Variants in ASMTL observed in about 807,000 individuals in gnomAD.
The protein encoded by ASMTL is acetylserotonin O-methyltransferase like.
ASMTL carries 57 observed loss-of-function variants against 60.3 expected under a neutral mutation model. The observed-to-expected ratio is 0.95, with a 90% confidence interval of 0.76 to 1.18. The LOEUF is 1.18. ASMTL is among the 50% of genes most tolerant of loss of function. The pLI, the probability that ASMTL is intolerant of heterozygous loss-of-function variation, is 0.00. For synonymous variants in ASMTL, 419 were observed against 373.0 expected, an observed-to-expected ratio of 1.12 and a Z score of -1.42; for missense variants, 981 against 852.6, an observed-to-expected ratio of 1.15 and a Z score of -1.88.
At chrX:1,429,837 G>T (rs777439908) in intron 6 of ASMTL, among the ~76,000 whole-genome samples, 1 of 151,704 alleles carries the variant, frequency 6.6e-6, no homozygotes, top group African/African-American at 2.4e-5. Flanking sequence ...TTTGATATAT[G>T]TATACATGTG....
rs765493207 is a variant in ASMTL at position 1,432,334 on chromosome X, C to A, written c.444G>T (p.Thr148=). ...CGGACAGCTCCGAGAACTTCACCTT[C>A]GTTTCCTCGTAGAATTCCGAGACCC... ...DTRVSEFYEE[T]KVKFSELSEE... The change falls in exon 6 of 13, where the codon ACG becomes ACT. Residue 148 remains threonine, a synonymous_variant. Transcript: ENST00000381317. 2.5e-6 allele frequency: 4 copies of A among 1,613,254 alleles called. No homozygotes were observed. The African/African-American group carries it at 4.0e-5, about 16-fold the overall frequency.
intron 6 of ASMTL, 94 bp downstream of exon 6, chrX:1,432,175 C>A: frequency 9.2e-7 from 1 of 1,081,220 alleles, no homozygotes; most frequent in Non-Finnish European, 1.4e-6. Flanking sequence ...GCGGGGCCTC[C>A]TTCTTTCCCA....
chrX:1,427,006 AAAG>A (rs1374648054), intron 7 of ASMTL, among the ~76,000 whole-genome samples: 1 of 83,308 alleles, frequency 1.2e-5, no homozygotes, highest in African/African-American at 3.7e-5. Flanking sequence ...AAAACAAAAA[AAAG>A]AGAAAAAGAA....
chrX:1,452,695 G>A, intron 1 of ASMTL, 53 bp downstream of exon 1: 5 of 1,470,084 alleles, frequency 3.4e-6, no homozygotes, highest in African/African-American at 1.4e-5. Flanking sequence ...GGGCCCTCCG[G>A]GGTTCAGCCC....
chrX:1,442,125 G>T, intron 2 of ASMTL, 61 bp downstream of exon 2: 1 of 1,580,830 alleles, frequency 6.3e-7, no homozygotes, highest in Non-Finnish European at 8.6e-7. Flanking sequence ...TTTACCACCC[G>T]CAAATCCCCT....
At chrX:1,423,603 C>G (rs1412031835) in intron 8 of ASMTL, among the ~76,000 whole-genome samples, 7 of 139,252 alleles carry the variant, frequency 5.0e-5, no homozygotes, top group African/African-American at 2.3e-4. Context: ...TAGTCATCCA[C>G]CCACCCATCT....
In ASMTL at chrX:1,422,420, A is replaced by ATG. The variant is rs1556659152; in HGVS notation, c.1061-579_1061-578insCA. Among the ~76,000 whole-genome samples the ATG allele has an allele frequency of 5.8e-3, 879 of 151,878 alleles. 9 individuals carry two copies. Among genetic ancestry groups the ATG allele is most frequent in the African/African-American group, 0.02 (836 of 41,424 alleles). On this transcript the variant is annotated intron_variant, in intron 8 of 12. Coordinates refer to ENST00000381317, the MANE Select transcript of ASMTL (RefSeq NM_004192.4). ...GTGGATTTTGGACTTGCCAGCCTAC[A>ATG]CAATCACGTAAGTCCTCAAGATAAA...
rs763441049 is a variant in ASMTL at position 1,428,045 on chromosome X, C to G, written c.586G>C (p.Val196Leu). Residue 196 changes from valine to leucine, a missense_variant, in exon 7 of 13, where the codon GTG becomes CTG. By Grantham distance (32) the Val-to-Leu change is conservative. Coordinates refer to ENST00000381317, the MANE Select transcript of ASMTL (RefSeq NM_004192.4). ...VESVHGDFLN[V>L]VGFPLNHFCK... ...AAGTGGTTCAGCGGGAATCCCACCACGTTCAGAAAGTCCCCGTGTACGGAC... is the reference window on the plus strand; with the variant it reads ...AAGTGGTTCAGCGGGAATCCCACCAGGTTCAGAAAGTCCCCGTGTACGGAC... The G allele has an allele frequency of 1.2e-6, 2 of 1,613,622 alleles. No individual in the cohort carries two copies. Among genetic ancestry groups the G allele is most frequent in the African/African-American group, 2.7e-5 (2 of 74,952 alleles).
intron 9 of ASMTL, 75 bp downstream of exon 9, chrX:1,421,583 T>C: frequency 6.6e-7 from 1 of 1,508,792 alleles, no homozygotes. Context: ...TCAAGGTGCC[T>C]ACTGATCTGT....
rs867714719 is a variant in ASMTL, at chrX:1,443,397, T to G, written c.94-1080A>C. Among the ~76,000 whole-genome samples the G allele has an allele frequency of 1.0e-3, 85 of 81,388 alleles. 1 individual carries two copies. Among genetic ancestry groups the G allele is most frequent in the African/African-American group, 4.4e-3 (74 of 16,780 alleles). The allele number at this position is 81,388 out of a possible 152,430, so 53.4% of individuals were successfully genotyped here. A position where few individuals can be genotyped will look rare whatever the true frequency, so the allele number is the denominator to read the frequency against. On this transcript the variant is annotated intron_variant, in intron 1 of 12. Transcript: ENST00000381317. The stretch of plus-strand genomic sequence containing the variant: ...ACCATCATGGACACACGCCGCCATC[T>G]TGGACACACGCCGCCATCTTGGACA...
At chrX:1,418,615 G>A (rs772592725) in intron 10 of ASMTL, among the ~76,000 whole-genome samples, 15 of 152,084 alleles carry the variant, frequency 9.9e-5, no homozygotes, top group South Asian at 4.1e-4. Context: ...CCCAGGCCCC[G>A]ATCCCCCAGC....
chrX:1,451,534 A>AG (rs1829806934), intron 1 of ASMTL, among the ~76,000 whole-genome samples: 2 of 109,714 alleles, frequency 1.8e-5, no homozygotes, highest in Admixed American at 9.3e-5. Context: ...CCCCATCCCT[A>AG]GGGGGTCCCA....
chrX:1,425,456 C>T lies in ASMTL; in HGVS notation c.1060+69G>A, dbSNP rs113411680. On this transcript the variant is annotated intron_variant, in intron 8 of 12. Transcript: ENST00000381317. ...CTCCTTCCTCGCTCTGCCCAGGCTC[C>T]AGGTCACCTTCCCTCAGTGACTTCC... 6,409 of 1,560,350 alleles carry T rather than the reference C, an allele frequency of 4.1e-3. 259 individuals carry two copies. The African/African-American group carries it at 0.079, about 19-fold the overall frequency.
chrX:1,421,109 G>A (rs183522143), intron 9 of ASMTL, among the ~76,000 whole-genome samples: 6,340 of 151,950 alleles, frequency 0.042, 442 homozygotes, highest in African/African-American at 0.15. Context: ...ACAGGCACGC[G>A]CCATCATCCC....
At chrX:1,406,101 TGGGTAGGTAGGTA>T (rs2089825169) in intron 12 of ASMTL, among the ~76,000 whole-genome samples, 2 of 99,656 alleles carry the variant, frequency 2.0e-5, no homozygotes, top group African/African-American at 5.6e-5. Context: ...GGTGAATAAA[TGGGTAGGTAGGTA>T]GGTAGATGGA....
chrX:1,406,434 T>C (rs2089846283), intron 12 of ASMTL, among the ~76,000 whole-genome samples: 2 of 146,616 alleles, frequency 1.4e-5, no homozygotes, highest in Non-Finnish European at 3.0e-5. Flanking sequence ...ATGAGATGGA[T>C]GGAGGGATGG....
At chrX:1,435,306 G>T (rs1218293392) in intron 4 of ASMTL, 33 of 630,642 alleles carry the variant, frequency 5.2e-5, no homozygotes, top group Non-Finnish European at 8.3e-5. Context: ...GACGGGAGGC[G>T]CCAGGCCAGG....
In ASMTL at chrX:1,425,668, T is replaced by C. The variant is rs772514021; in HGVS notation, c.917A>G (p.Lys306Arg). ...MLSKGLLTAC[K>R]LKVFDLLKDE... ...TTTTAACAAATCGAACACCTTCAGTTTGCAAGCGGTGAGCAGGCCCTGTTA... is the reference window on the plus strand; with the variant it reads ...TTTTAACAAATCGAACACCTTCAGTCTGCAAGCGGTGAGCAGGCCCTGTTA... Residue 306 changes from lysine to arginine, a missense_variant, in exon 8 of 13, where the codon AAA becomes AGA. Lys to Arg is a conservative substitution (Grantham distance 26). Coordinates refer to ENST00000381317, the MANE Select transcript of ASMTL (RefSeq NM_004192.4). 1 of 1,613,602 alleles carries C rather than the reference T, an allele frequency of 6.2e-7. No individual in the cohort carries two copies. The highest frequency in any genetic ancestry group is 1.3e-5 in the African/African-American group (1 of 75,046).
In ASMTL at chrX:1,403,155, T is replaced by G; in HGVS notation, c.*114A>C. 1.2e-6 allele frequency: 1 copy of G among 842,792 alleles called. No homozygotes were observed. Among genetic ancestry groups the G allele is most frequent in the Non-Finnish European group, 1.9e-6 (1 of 515,722 alleles). The allele number at this position is 842,792 out of a possible 1,614,324, so 52.2% of individuals were successfully genotyped here. Reference sequence around the variant, plus strand: ...AGGCAGAGACAGGCTTTTGCTTTCTTTATTCAGTCACGACTACACGCTCCT... The same window carrying G: ...AGGCAGAGACAGGCTTTTGCTTTCTGTATTCAGTCACGACTACACGCTCCT... On this transcript the variant is annotated 3_prime_UTR_variant, in exon 13 of 13. Coordinates refer to ENST00000381317, the MANE Select transcript of ASMTL (RefSeq NM_004192.4).
Sources: gnomAD v4.1 joint callset for allele counts (sites outside exome capture counted in the v4.1 genomes callset) on GRCh38, gnomAD v4.1.1 for gene constraint, MANE v1.5 for transcripts, NCBI Gene and HGNC (gene_info 2026-07-23, HGNC 2026-07-21) for gene names.